The following ZFHX3 variants were observed in gnomAD, a reference collection of about 807,000 sequenced individuals.
The protein encoded by ZFHX3 is zinc finger homeobox 3.
In ZFHX3, 42 loss-of-function variants were observed where a neutral mutation model predicts 279.1. The observed-to-expected ratio is 0.15, with a 90% confidence interval of 0.12 to 0.19. The LOEUF (loss-of-function observed/expected upper bound fraction) is 0.19. Ranked by LOEUF, ZFHX3 falls within the 10% of genes least tolerant of loss-of-function variation. The pLI is 1.00. For synonymous variants in ZFHX3, 2,293 were observed against 1,957.8 expected (o/e 1.17, Z -4.52); for missense variants, 4,981 against 4,754.0 (o/e 1.05, Z -1.40).
At chr16:72,975,205 G>A (rs995073245) in intron 1 of ZFHX3, among the ~76,000 whole-genome samples, 1 of 152,188 alleles carries the variant, frequency 6.6e-6, no homozygotes, top group Admixed American at 6.5e-5. Flanking sequence ...ACTTTGGGAG[G>A]CCGAGGTGGG....
At chr16:73,382,635 G>C (rs1480114672) in intron 3 of ZFHX3, among the ~76,000 whole-genome samples, 1 of 152,188 alleles carries the variant, frequency 6.6e-6, no homozygotes, top group Non-Finnish European at 1.5e-5. Context: ...CTTGCCCCAA[G>C]AGAAGGCTTA....
At chr16:73,055,046 A>G (rs184883183) in intron 1 of ZFHX3, among the ~76,000 whole-genome samples, 44 of 89,054 alleles carry the variant, frequency 4.9e-4, no homozygotes, top group African/African-American at 1.4e-3. Flanking sequence ...AAGGGAGAGA[A>G]AAAAAAAAAA....
At chr16:73,784,089 A>T (rs1959559606) in intron 1 of ZFHX3, among the ~76,000 whole-genome samples, 1 of 152,158 alleles carries the variant, frequency 6.6e-6, no homozygotes, top group Non-Finnish European at 1.5e-5. Flanking sequence ...AATCACAGGA[A>T]GATGCCTGGC....
At chr16:73,789,060 T>C (rs76322233) in intron 1 of ZFHX3, among the ~76,000 whole-genome samples, 197 of 150,662 alleles carry the variant, frequency 1.3e-3, no homozygotes, top group African/African-American at 4.3e-3. Context: ...AGATATCTTA[T>C]ATATATCATA....
intron 2 of ZFHX3, among the ~76,000 whole-genome samples, chr16:73,533,825 T>C (rs564111148): frequency 1.3e-5 from 2 of 152,282 alleles, no homozygotes; most frequent in South Asian, 4.1e-4. Flanking sequence ...CAGGAAATCT[T>C]CTTGGTGCTT....
intron 6 of ZFHX3, among the ~76,000 whole-genome samples, chr16:73,132,829 C>T (rs374691694): frequency 1.1e-4 from 16 of 152,308 alleles, no homozygotes; most frequent in African/African-American, 3.8e-4. Context: ...ATAAAGTGAT[C>T]AATCAGGAGG....
At chr16:73,777,508 C>CAAAAAAA (rs34744186) in intron 1 of ZFHX3, among the ~76,000 whole-genome samples, 8 of 62,644 alleles carry the variant, frequency 1.3e-4, no homozygotes, top group African/African-American at 2.9e-4. Flanking sequence ...GACTCTGTCT[C>CAAAAAAA]AAAAAAAAAA....
chr16:72,922,722 C>A (rs2039614143), intron 3 of ZFHX3, among the ~76,000 whole-genome samples: 1 of 152,200 alleles, frequency 6.6e-6, no homozygotes, highest in African/African-American at 2.4e-5. Context: ...AATCATAAAA[C>A]ATTTGTTTCA....
chr16:73,837,740 G>C (rs868197096), intron 1 of ZFHX3, among the ~76,000 whole-genome samples: 1 of 152,152 alleles, frequency 6.6e-6, no homozygotes, highest in Non-Finnish European at 1.5e-5. Context: ...GCGTTCAAGC[G>C]ATTCTCCTGC....
At position 72,882,977 on chromosome 16, in the gene ZFHX3, GGTGTGTGTGTGTGTGTGTGT is replaced by G. The variant is rs56328056; in HGVS notation, c.3448+6734_3448+6753del. Among the ~76,000 whole-genome samples the G allele has an allele frequency of 7.5e-3, 492 of 65,430 alleles. 3 individuals carry two copies. The highest frequency in any genetic ancestry group is 0.017 in the Middle Eastern group (2 of 120). 42.9% of individuals were successfully genotyped at this position (65,430 alleles called of 152,430 possible). A position where few individuals can be genotyped will look rare whatever the true frequency, so the allele number is the denominator to read the frequency against. ...ATTTTTGGCCTTCACACCACTCTGG[GGTGTGTGTGTGTGTGTGTGT>G]GTGTGTGTGTGTGTGTGTGTGTGTG... On this transcript the variant is annotated intron_variant, in intron 4 of 9. Coordinates refer to ENST00000268489, the MANE Select transcript of ZFHX3 (RefSeq NM_006885.4).
intron 4 of ZFHX3, among the ~76,000 whole-genome samples, chr16:72,848,713 C>G (rs2037539417): frequency 6.7e-6 from 1 of 148,812 alleles, no homozygotes; most frequent in Non-Finnish European, 1.5e-5. Context: ...CCCTCCTGAT[C>G]AGATGCCCCC....
At chr16:73,683,796 A>T (rs930003706) in intron 1 of ZFHX3, among the ~76,000 whole-genome samples, 1 of 152,192 alleles carries the variant, frequency 6.6e-6, no homozygotes, top group Admixed American at 6.5e-5. Flanking sequence ...TTGTTCTAGA[A>T]ATGAATGAGA....
intron 1 of ZFHX3, among the ~76,000 whole-genome samples, chr16:73,878,684 A>G (rs1053488240): frequency 1.3e-5 from 2 of 151,832 alleles, no homozygotes; most frequent in Non-Finnish European, 2.9e-5. Flanking sequence ...AGCGAAAACA[A>G]GATTGTTATT....
chr16:73,860,521 A>G (rs1189641650), intron 1 of ZFHX3, among the ~76,000 whole-genome samples: 2 of 152,154 alleles, frequency 1.3e-5, no homozygotes, highest in Non-Finnish European at 2.9e-5. Context: ...GGTCTCCAAC[A>G]TGTGTTTTCA....
At chr16:73,797,346 T>C (rs1417002792) in intron 1 of ZFHX3, among the ~76,000 whole-genome samples, 4 of 152,174 alleles carry the variant, frequency 2.6e-5, no homozygotes, top group African/African-American at 7.2e-5. Flanking sequence ...GGTTACACAT[T>C]TGCAGCAGTT....
intron 4 of ZFHX3, among the ~76,000 whole-genome samples, chr16:73,268,736 G>T (rs2014055625): frequency 2.0e-5 from 3 of 152,160 alleles, no homozygotes; most frequent in Non-Finnish European, 2.9e-5. Flanking sequence ...GGTGCAACCC[G>T]AAACACTGCA....
intron 2 of ZFHX3, among the ~76,000 whole-genome samples, chr16:73,654,835 T>C (rs1189702444): frequency 6.6e-6 from 1 of 151,066 alleles, no homozygotes; most frequent in Non-Finnish European, 1.5e-5. Flanking sequence ...GTTATCTCTC[T>C]TCTAAACGAT....
chr16:73,309,618 G>C (rs1488043852), intron 4 of ZFHX3, among the ~76,000 whole-genome samples: 1 of 152,184 alleles, frequency 6.6e-6, no homozygotes, highest in East Asian at 1.9e-4. Context: ...GATACTGAAA[G>C]TTACTTTTAA....
Position 73,689,829 on chromosome 16 carries a change from G to GT in ZFHX3, c.-1607-9590dup, listed in dbSNP as rs869259434. ...TTTTTTGTTTTTTGTTTTTTTTGTT[G>GT]TTGTTGTTTTTTTGAGATGGAGTCT... On this transcript the variant is annotated intron_variant, in intron 1 of 17. Transcript: ENST00000641206. Among the ~76,000 whole-genome samples, 41 of 141,684 alleles carry GT rather than the reference G, an allele frequency of 2.9e-4. No individual in the cohort carries two copies. In the East Asian group the frequency reaches 5.4e-3, roughly 19 times the overall value. The allele number at this position is 141,684 out of a possible 152,430, so 93.0% of individuals were successfully genotyped here.
Sources: allele counts gnomAD v4.1 joint callset (sites outside exome capture counted in the v4.1 genomes callset), GRCh38; gene constraint gnomAD v4.1.1; transcripts MANE v1.5; gene names NCBI Gene and HGNC (gene_info 2026-07-23, HGNC 2026-07-21).